Variants in CREBBP observed in about 807,000 individuals in gnomAD.
CREBBP encodes CREB binding lysine acetyltransferase.
CREBBP carries 19 observed loss-of-function variants against 265.0 expected under a neutral mutation model. The ratio of observed to expected loss-of-function variants is 0.07; its 90% CI spans 0.05 to 0.11. The LOEUF (loss-of-function observed/expected upper bound fraction) is 0.11. Among genes scored for constraint, CREBBP ranks in the 10% least tolerant of loss-of-function variants. The pLI, the probability that CREBBP is intolerant of heterozygous loss-of-function variation, is 1.00. For missense variants in CREBBP, 2,525 were observed against 3,219.0 expected, an observed-to-expected ratio of 0.78 and a Z score of 5.22; for synonymous variants, 1,457 against 1,223.7, an observed-to-expected ratio of 1.19 and a Z score of -3.98.
At chr16:3,823,355 T>C (rs867321054) in intron 2 of CREBBP, among the ~76,000 whole-genome samples, 12 of 152,306 alleles carry the variant, frequency 7.9e-5, no homozygotes, top group Middle Eastern at 6.8e-3. Context: ...TAGATCAAAC[T>C]GTTGGTGACA....
chr16:3,782,558 A>G, intron 6 of CREBBP, 126 bp downstream of exon 6: 1 of 1,285,256 alleles, frequency 7.8e-7, no homozygotes, highest in East Asian at 2.4e-5. Flanking sequence ...TTCCTGGGAG[A>G]TTTTTTATTT....
chr16:3,816,870 AG>A (rs2054046132), intron 2 of CREBBP, among the ~76,000 whole-genome samples: 2 of 152,202 alleles, frequency 1.3e-5, no homozygotes, highest in African/African-American at 4.8e-5. Context: ...CATGCCACGC[AG>A]CCCCTAGGAA....
At chr16:3,812,163 A>G (rs979122806) in intron 2 of CREBBP, among the ~76,000 whole-genome samples, 7 of 151,738 alleles carry the variant, frequency 4.6e-5, no homozygotes, top group East Asian at 1.9e-4. Flanking sequence ...CTACCACTGT[A>G]CAGGTGTAAA....
At chr16:3,736,399 AAC>A (rs1379297437) in intron 27 of CREBBP, 196 bp from the exon 28 acceptor site, 9 of 749,802 alleles carry the variant, frequency 1.2e-5, no homozygotes, top group Non-Finnish European at 1.8e-5. Flanking sequence ...CTATGTGTGC[AAC>A]AGTGATGCAC....
chr16:3,751,934 TGG>T, intron 19 of CREBBP, 128 bp from the exon 20 acceptor site: 4 of 831,216 alleles, frequency 4.8e-6, no homozygotes, highest in Non-Finnish European at 6.1e-6. Flanking sequence ...GGTTGATTGA[TGG>T]GTCAGTGAGG....
chr16:3,743,509 T>C (rs1209885432), intron 23 of CREBBP: 1 of 152,210 alleles, frequency 6.6e-6, no homozygotes, highest in African/African-American at 2.4e-5. Flanking sequence ...TCTCTTCTAC[T>C]CTGAGCTCCC....
At chr16:3,777,442 T>A (rs999081885) in intron 11 of CREBBP, among the ~76,000 whole-genome samples, 171 bp downstream of exon 11, 3 of 152,170 alleles carry the variant, frequency 2.0e-5, no homozygotes, top group African/African-American at 7.2e-5. Flanking sequence ...CCAAACTTCA[T>A]ACTATAAACA....
At chr16:3,849,195 A>G (rs2054730885) in intron 2 of CREBBP, among the ~76,000 whole-genome samples, 3 of 143,948 alleles carry the variant, frequency 2.1e-5, no homozygotes, top group Admixed American at 7.3e-5. Flanking sequence ...TTGTCACTTC[A>G]GTGGGAATAG....
At chr16:3,778,313 T>C (rs1489016462) in intron 9 of CREBBP, 131 bp from the exon 10 acceptor site, 3 of 738,712 alleles carry the variant, frequency 4.1e-6, no homozygotes, top group Non-Finnish European at 6.9e-6. Flanking sequence ...AAATACCTGA[T>C]ACACCAGAAG....
chr16:3,736,505 G>C (rs2052065375), intron 27 of CREBBP, 145 bp downstream of exon 27: 1 of 1,231,572 alleles, frequency 8.1e-7, no homozygotes, highest in Admixed American at 1.9e-5. Context: ...ATGCTTCTAA[G>C]TTCTCACTTT....
At chr16:3,752,329 A>G (rs189332355) in intron 19 of CREBBP, among the ~76,000 whole-genome samples, 1 of 152,352 alleles carries the variant, frequency 6.6e-6, no homozygotes, top group East Asian at 1.9e-4. Flanking sequence ...AAACTGAAAT[A>G]GCTTTATTTT....
intron 2 of CREBBP, among the ~76,000 whole-genome samples, chr16:3,829,443 G>C (rs1016834793): frequency 1.3e-5 from 2 of 152,140 alleles, no homozygotes; most frequent in African/African-American, 4.8e-5. Flanking sequence ...ACACCTCCTA[G>C]GGCTTACTGG....
At chr16:3,796,791 C>T (rs13330339) in intron 3 of CREBBP, among the ~76,000 whole-genome samples, 1 of 152,168 alleles carries the variant, frequency 6.6e-6, no homozygotes, top group Admixed American at 6.5e-5. Context: ...TGTTATTTGT[C>T]TACCTCTGGA....
At chr16:3,816,452 G>A (rs140167930) in intron 2 of CREBBP, among the ~76,000 whole-genome samples, 2 of 152,258 alleles carry the variant, frequency 1.3e-5, no homozygotes, top group African/African-American at 4.8e-5. Flanking sequence ...TGTGAGCTCT[G>A]ATGAGGAAAT....
intron 25 of CREBBP, 82 bp downstream of exon 25, chr16:3,739,496 C>T (rs2151336071): frequency 6.5e-7 from 1 of 1,546,612 alleles, no homozygotes; most frequent in South Asian, 1.1e-5. Flanking sequence ...GGCTCACAGG[C>T]TCCTCTGGGA....
intron 6 of CREBBP, among the ~76,000 whole-genome samples, chr16:3,782,017 C>T (rs1469948799): frequency 1.3e-5 from 2 of 152,304 alleles, no homozygotes; most frequent in Non-Finnish European, 2.9e-5. Flanking sequence ...AAAACTAGCA[C>T]AACTAGTCAG....
intron 1 of CREBBP, among the ~76,000 whole-genome samples, chr16:3,872,351 C>T (rs1276288374): frequency 6.6e-6 from 1 of 152,140 alleles, no homozygotes; most frequent in Non-Finnish European, 1.5e-5. Context: ...GCTCAAATGG[C>T]AAAGACCTGA....
intron 3 of CREBBP, among the ~76,000 whole-genome samples, chr16:3,804,065 C>T (rs557878607): frequency 5.6e-4 from 85 of 151,364 alleles, no homozygotes; most frequent in African/African-American, 2.0e-3. Flanking sequence ...AATGGGGTGA[C>T]AGTGAGACCC....
intron 2 of CREBBP, among the ~76,000 whole-genome samples, chr16:3,835,570 T>G (rs1279630229): frequency 6.7e-6 from 1 of 149,832 alleles, no homozygotes; most frequent in Non-Finnish European, 1.5e-5. Context: ...TCACAGAAGA[T>G]TTCTTCTTTT....
Sources: allele counts gnomAD v4.1 joint callset (sites outside exome capture counted in the v4.1 genomes callset), GRCh38; gene constraint gnomAD v4.1.1; transcripts MANE v1.5; gene names NCBI Gene and HGNC (gene_info 2026-07-23, HGNC 2026-07-21).